QTMAN: variants seen among roughly 807,000 people sequenced by gnomAD.
The protein encoded by QTMAN is tRNA-queuosine alpha-mannosyltransferase.
chr2:144,230,777 C>T, the QTMAN span, among the ~76,000 whole-genome samples: 1 of 152,098 alleles, frequency 6.6e-6, no homozygotes, highest in East Asian at 1.9e-4. Context: ...TAGCCAAATC[C>T]CTGAATTTCT....
the QTMAN span, among the ~76,000 whole-genome samples, chr2:144,037,001 G>C: frequency 6.6e-6 from 1 of 152,084 alleles, no homozygotes; most frequent in Non-Finnish European, 1.5e-5. Context: ...ATTATGCTAA[G>C]GCAAAGAAAC....
chr2:143,950,687 G>C, the QTMAN span, among the ~76,000 whole-genome samples: 1 of 151,492 alleles, frequency 6.6e-6, no homozygotes, highest in Non-Finnish European at 1.5e-5. Flanking sequence ...TTCATTATCT[G>C]CATATTTTGA....
At chr2:144,017,501 T>C in the QTMAN span, among the ~76,000 whole-genome samples, 1 of 152,178 alleles carries the variant, frequency 6.6e-6, no homozygotes, top group Non-Finnish European at 1.5e-5. Context: ...TAATCAAGTC[T>C]AATGATTATC....
chr2:144,237,937 T>A, the QTMAN span, among the ~76,000 whole-genome samples: 1 of 152,194 alleles, frequency 6.6e-6, no homozygotes, highest in Admixed American at 6.5e-5. Context: ...TCTTGCCAAA[T>A]AGCCAGAATC....
the QTMAN span, among the ~76,000 whole-genome samples, chr2:144,102,653 T>C: frequency 2.0e-5 from 3 of 152,328 alleles, no homozygotes; most frequent in Non-Finnish European, 4.4e-5. Context: ...TTAAGGACTG[T>C]ACAAATTATC....
the QTMAN span, among the ~76,000 whole-genome samples, chr2:144,058,703 TAG>T: frequency 2.0e-5 from 3 of 152,198 alleles, no homozygotes; most frequent in African/African-American, 7.2e-5. Context: ...TCCAAACTCC[TAG>T]TTCCAATTCT....
the QTMAN span, among the ~76,000 whole-genome samples, chr2:144,231,808 C>T: frequency 6.7e-6 from 1 of 148,656 alleles, no homozygotes; most frequent in Non-Finnish European, 1.5e-5. Flanking sequence ...GGTTAATATG[C>T]AATAAACATT....
the QTMAN span, among the ~76,000 whole-genome samples, chr2:143,971,393 G>C: frequency 2.0e-5 from 3 of 152,238 alleles, no homozygotes; most frequent in East Asian, 5.8e-4. Context: ...TAGGAGTGGA[G>C]TTATGCCCAT....
chr2:144,018,081 C>T, the QTMAN span, among the ~76,000 whole-genome samples: 100 of 152,042 alleles, frequency 6.6e-4, no homozygotes, highest in African/African-American at 2.3e-3. Flanking sequence ...TACTGTTTTC[C>T]ACCTTTTACT....
At chr2:144,183,001 G>A in the QTMAN span, among the ~76,000 whole-genome samples, 1 of 143,570 alleles carries the variant, frequency 7.0e-6, no homozygotes, top group African/African-American at 2.5e-5. Flanking sequence ...TACTTTAAAA[G>A]ATTTCTATAG....
At chr2:144,094,665 C>T in the QTMAN span, among the ~76,000 whole-genome samples, 1 of 152,204 alleles carries the variant, frequency 6.6e-6, no homozygotes, top group Non-Finnish European at 1.5e-5. Flanking sequence ...ATTCAATGAT[C>T]TTCACCTGGT....
At chr2:144,214,086 G>C in the QTMAN span, among the ~76,000 whole-genome samples, 1 of 152,188 alleles carries the variant, frequency 6.6e-6, no homozygotes, top group East Asian at 1.9e-4. Context: ...GTAAAAATAA[G>C]CATGAAAAGA....
chr2:144,322,489 AAAAG>A, the QTMAN span, among the ~76,000 whole-genome samples: 1 of 152,218 alleles, frequency 6.6e-6, no homozygotes, highest in African/African-American at 2.4e-5. Context: ...ATGTTGTTAT[AAAAG>A]CTTTGCAAAT....
At chr2:144,109,965 T>C in the QTMAN span, among the ~76,000 whole-genome samples, 2 of 152,176 alleles carry the variant, frequency 1.3e-5, no homozygotes, top group African/African-American at 4.8e-5. Flanking sequence ...AGTTCAACCA[T>C]TGTGGAAGAC....
the QTMAN span, among the ~76,000 whole-genome samples, chr2:144,286,650 C>T: frequency 6.6e-6 from 1 of 152,192 alleles, no homozygotes; most frequent in Admixed American, 6.5e-5. Context: ...TTGGTTTATA[C>T]TATAAAAGAC....
chr2:144,104,789 G>C, the QTMAN span, among the ~76,000 whole-genome samples: 1 of 152,208 alleles, frequency 6.6e-6, no homozygotes, highest in Non-Finnish European at 1.5e-5. Flanking sequence ...TTTGAGATCT[G>C]AGAACGGACA....
chr2:144,216,146 C>G, the QTMAN span, among the ~76,000 whole-genome samples: 21 of 152,230 alleles, frequency 1.4e-4, no homozygotes, highest in African/African-American at 4.8e-4. Context: ...TCACCTCCAT[C>G]AGCCTTCTCT....
the QTMAN span, among the ~76,000 whole-genome samples, chr2:144,266,136 A>C: frequency 6.6e-6 from 1 of 152,222 alleles, no homozygotes; most frequent in Non-Finnish European, 1.5e-5. Flanking sequence ...GTGAGAAGAG[A>C]ACAAGGTCAA....
At chr2:144,189,172 G>A in the QTMAN span, among the ~76,000 whole-genome samples, 3 of 152,142 alleles carry the variant, frequency 2.0e-5, no homozygotes, top group Non-Finnish European at 2.9e-5. Flanking sequence ...TATGCATTTT[G>A]AGACAAGGTC....
Sources: gnomAD v4.1 joint callset for allele counts (sites outside exome capture counted in the v4.1 genomes callset) on GRCh38, gnomAD v4.1.1 for gene constraint, MANE v1.5 for transcripts, NCBI Gene and HGNC (gene_info 2026-07-23, HGNC 2026-07-21) for gene names.